Variants in PBRM1 observed in about 807,000 individuals in gnomAD.
PBRM1 encodes the protein protein polybromo-1.
In PBRM1, 27 loss-of-function variants were observed where a neutral mutation model predicts 194.5. The ratio of observed to expected loss-of-function variants is 0.14; its 90% CI spans 0.10 to 0.19. The LOEUF is 0.19. Among genes scored for constraint, PBRM1 ranks in the 10% least tolerant of loss-of-function variants. PBRM1 has a pLI of 1.00. For missense variants in PBRM1, 1,466 were observed against 2,077.2 expected (o/e 0.71, Z 5.72); for synonymous variants, 655 against 693.2 (o/e 0.94, Z 0.87).
chr3:52,612,819 T>G (rs1448637762), intron 15 of PBRM1, among the ~76,000 whole-genome samples: 1 of 151,522 alleles, frequency 6.6e-6, no homozygotes, highest in Non-Finnish European at 1.5e-5. Flanking sequence ...GGCAGAAGAA[T>G]TGGGGGAACC....
chr3:52,639,278 AT>A (rs2095971230), intron 10 of PBRM1, among the ~76,000 whole-genome samples: 3 of 152,118 alleles, frequency 2.0e-5, no homozygotes, highest in Non-Finnish European at 4.4e-5. Context: ...GCCTGGCCTT[AT>A]TCACACATTC....
intron 3 of PBRM1, among the ~76,000 whole-genome samples, chr3:52,663,038 C>G (rs2096758662): frequency 6.6e-6 from 1 of 151,974 alleles, no homozygotes; most frequent in African/African-American, 2.4e-5. Flanking sequence ...TGACTGAAAT[C>G]TTCTAGTAAA....
chr3:52,675,319 T>G (rs1020358073), intron 2 of PBRM1, among the ~76,000 whole-genome samples: 6 of 152,142 alleles, frequency 3.9e-5, no homozygotes, highest in Non-Finnish European at 8.8e-5. Flanking sequence ...CTTATGAAAC[T>G]TTTCCAAAAA....
chr3:52,617,207 T>C (rs1396063471), intron 14 of PBRM1, 55 bp downstream of exon 16: 17 of 1,460,500 alleles, frequency 1.2e-5, no homozygotes, highest in Non-Finnish European at 1.2e-5. Context: ...CATTATTCTA[T>C]AAGTACCCCT....
intron 14 of PBRM1, among the ~76,000 whole-genome samples, chr3:52,615,972 T>C (rs1416492139): frequency 6.6e-6 from 1 of 152,200 alleles, no homozygotes; most frequent in Non-Finnish European, 1.5e-5. Context: ...AGGGTGGTAA[T>C]ATGTAGTCAA....
At position 52,648,284 on chromosome 3, in the gene PBRM1, G is replaced by A. The variant is rs889457951; in HGVS notation, c.813+60C>T. On this transcript the variant is annotated intron_variant, in intron 7 of 29. Transcript: ENST00000296302. ...ATAAAGTTGTTTTATAAAAATTACT[G>A]ACCTTAAATTATCTACTATTACCAA... 24 of 917,536 alleles carry A rather than the reference G, an allele frequency of 2.6e-5. No individual in the cohort carries two copies. The African/African-American group carries it at 3.7e-4, about 14-fold the overall frequency. 56.8% of individuals were successfully genotyped at this position (917,536 alleles called of 1,614,324 possible). A position where few individuals can be genotyped will look rare whatever the true frequency, so the allele number is the denominator to read the frequency against.
At chr3:52,565,185 C>G (rs1000618298) in intron 22 of PBRM1, among the ~76,000 whole-genome samples, 4 of 150,276 alleles carry the variant, frequency 2.7e-5, no homozygotes, top group African/African-American at 9.9e-5. Context: ...AGCGAAAGAG[C>G]GAGACTCCGT....
chr3:52,668,367 A>T, intron 3 of PBRM1, 131 bp downstream of exon 4: 2 of 620,842 alleles, frequency 3.2e-6, no homozygotes, highest in Non-Finnish European at 5.6e-6. Flanking sequence ...TCTCTTTACG[A>T]ATAAGACAAA....
intron 25 of PBRM1, 75 bp from the exon 28 acceptor site, chr3:52,558,488 G>A: frequency 7.8e-7 from 1 of 1,283,826 alleles, no homozygotes; most frequent in Non-Finnish European, 1.1e-6. Context: ...CATTCAACAG[G>A]ACTAGTAAAA....
intron 5 of PBRM1, 34 bp downstream of exon 6, chr3:52,658,165 C>A: frequency 1.0e-6 from 1 of 955,888 alleles, no homozygotes; most frequent in Non-Finnish European, 1.7e-6. Context: ...AAACAAAACA[C>A]TGACATGTAC....
chr3:52,588,984 G>A (rs2153804051), intron 18 of PBRM1, 86 bp downstream of exon 20: 1 of 872,004 alleles, frequency 1.1e-6, no homozygotes, highest in East Asian at 2.5e-5. Context: ...TAAGATGTCT[G>A]AGTTAAAATT....
chr3:52,659,134 A>C (rs2096666382), intron 4 of PBRM1, among the ~76,000 whole-genome samples: 1 of 152,232 alleles, frequency 6.6e-6, no homozygotes, highest in Non-Finnish European at 1.5e-5. Flanking sequence ...ACATCAATGT[A>C]CACCATTTCT....
intron 17 of PBRM1, among the ~76,000 whole-genome samples, chr3:52,598,878 T>C (rs2093765941): frequency 6.6e-6 from 1 of 151,892 alleles, no homozygotes; most frequent in Admixed American, 6.6e-5. Flanking sequence ...AAAAATCAGC[T>C]GGGTGTGGTG....
chr3:52,593,102 C>G (rs897927205), intron 17 of PBRM1, among the ~76,000 whole-genome samples: 6 of 152,168 alleles, frequency 3.9e-5, no homozygotes, highest in African/African-American at 1.2e-4. Context: ...AAAACCAACT[C>G]CTAGATTTGT....
At chr3:52,594,879 G>A (rs2093414326) in intron 17 of PBRM1, among the ~76,000 whole-genome samples, 1 of 152,178 alleles carries the variant, frequency 6.6e-6, no homozygotes, top group Non-Finnish European at 1.5e-5. Flanking sequence ...TTTTCCTTAA[G>A]AATGTTGAAT....
intron 17 of PBRM1, among the ~76,000 whole-genome samples, chr3:52,602,538 TC>T (rs1423853674): frequency 6.6e-6 from 1 of 152,230 alleles, no homozygotes; most frequent in African/African-American, 2.4e-5. Flanking sequence ...CTTATCTCAG[TC>T]CTTTTATAGA....
intron 11 of PBRM1, among the ~76,000 whole-genome samples, chr3:52,630,326 A>C (rs1430531570): frequency 6.6e-6 from 1 of 152,142 alleles, no homozygotes; most frequent in Non-Finnish European, 1.5e-5. Context: ...GGGAAACTCA[A>C]CTATCTTCCT....
rs764129324 is a variant in PBRM1 at position 52,609,576 on chromosome 3, G to A, written c.2304C>T (p.Asp768=). 4.3e-5 allele frequency: 70 copies of A among 1,613,358 alleles called. No homozygotes were observed. The highest frequency in any genetic ancestry group is 5.8e-5 in the Non-Finnish European group (68 of 1,179,634). The stretch of plus-strand genomic sequence containing the variant: ...GCAAAGTCACATTTGGGACATGAGA[G>A]TCCTCATCTCCCTCCAGGTCTCTGC... Residue 768 remains aspartate (D), a synonymous_variant, in exon 16 of 30, where the codon GAC becomes GAT. Coordinates refer to ENST00000296302, the Ensembl canonical transcript of PBRM1. The surrounding 1 kb of genome is among the most constrained non-coding windows in gnomAD (Gnocchi z 4.1).
At chr3:52,669,555 T>C (rs1287896440) in intron 2 of PBRM1, among the ~76,000 whole-genome samples, 1 of 152,096 alleles carries the variant, frequency 6.6e-6, no homozygotes, top group African/African-American at 2.4e-5. Flanking sequence ...CCCACAGGGG[T>C]AGGTATTCAG....
Sources: gnomAD v4.1 joint callset for allele counts (sites outside exome capture counted in the v4.1 genomes callset) on GRCh38, gnomAD v4.1.1 for gene constraint, Gnocchi (gnomAD v3.1) non-coding constraint, MANE v1.5 for transcripts, NCBI Gene and HGNC (gene_info 2026-07-23, HGNC 2026-07-21) for gene names.